CDC42BPB: variants seen among roughly 807,000 people sequenced by gnomAD.
CDC42BPB encodes the protein serine/threonine-protein kinase MRCK beta.
In CDC42BPB, 37 loss-of-function variants were observed where a neutral mutation model predicts 214.9. The ratio of observed to expected loss-of-function variants is 0.17; its 90% CI spans 0.13 to 0.23. The LOEUF is 0.23. CDC42BPB is among the 10% of genes least tolerant of loss of function. The pLI is 1.00. For synonymous variants in CDC42BPB, 931 were observed against 884.0 expected (o/e 1.05, Z -0.94); for missense variants, 1,694 against 2,227.0 (o/e 0.76, Z 4.82).
intron 1 of CDC42BPB, among the ~76,000 whole-genome samples, chr14:103,032,068 A>G (rs138562191): frequency 2.0e-5 from 3 of 151,704 alleles, no homozygotes; most frequent in Non-Finnish European, 4.4e-5. Context: ...CAAGAGCACC[A>G]GCCGGCGGCC....
chr14:103,041,732 T>C (rs534199025), intron 1 of CDC42BPB: 2 of 545,180 alleles, frequency 3.7e-6, no homozygotes, highest in African/African-American at 1.9e-5. Flanking sequence ...CACAAGAAGG[T>C]GGCCCAGACC....
chr14:102,964,546 C>T lies in CDC42BPB; in HGVS notation c.2682G>A (p.Gln894=), dbSNP rs1386648123. ...EAEIRAKQLV[Q]EELRKVKDAN... ...CGTCCTTGACCTTCCTGAGCTCCTC[C>T]TGGACAAGCTGCTTGGCCCGGATCT... Residue 894 remains glutamine (Q), a synonymous_variant, in exon 19 of 37, where the codon CAG becomes CAA. Coordinates refer to ENST00000361246, the MANE Select transcript of CDC42BPB (RefSeq NM_006035.4). 6.2e-7 allele frequency: 1 copy of T among 1,613,808 alleles called. No individual in the cohort carries two copies. The highest frequency in any genetic ancestry group is 8.5e-7 in the Non-Finnish European group (1 of 1,180,020).
intron 1 of CDC42BPB, among the ~76,000 whole-genome samples, chr14:103,035,796 C>A (rs569206614): frequency 6.6e-6 from 1 of 151,498 alleles, no homozygotes; most frequent in Non-Finnish European, 1.5e-5. Context: ...GCGGAGATCA[C>A]GCCACTGCAT....
Position 102,950,517 on chromosome 14 carries a change from C to G in CDC42BPB, c.3258G>C (p.Leu1086=). The change falls in exon 25 of 37, where the codon CTG becomes CTC. Residue 1086 remains leucine, a synonymous_variant. Coordinates refer to ENST00000361246, the MANE Select transcript of CDC42BPB (RefSeq NM_006035.4). ...CGATGCCTCGCTGCACGTCCACGCC[C>G]AGAGGCCTCTTGGACTGCTCGGGAG... ...PIPPEQSKRP[L]GVDVQRGIGT... is the part of the protein sequence containing the mutation. The G allele has an allele frequency of 6.2e-7, 1 of 1,613,268 alleles. No homozygotes were observed. Among genetic ancestry groups the G allele is most frequent in the South Asian group, 1.1e-5 (1 of 91,066 alleles).
chr14:102,945,683 C>T lies in CDC42BPB; in HGVS notation c.3790G>A (p.Val1264Ile). 6.2e-7 allele frequency: 1 copy of T among 1,612,942 alleles called. No individual in the cohort carries two copies. The highest frequency in any genetic ancestry group is 8.5e-7 in the Non-Finnish European group (1 of 1,179,914). Residue 1264 changes from valine (V) to isoleucine (I), a missense_variant, in exon 29 of 37, where the codon GTC becomes ATC. Around this residue, in one of 7 missense-constraint regions of CDC42BPB, gnomAD observed 567 missense variants for 790.3 expected, o/e 0.72. Coordinates refer to ENST00000361246, the MANE Select transcript of CDC42BPB (RefSeq NM_006035.4). The part of the protein sequence containing the change: ...IAVGLEEGLY[V>I]IEVTRDVIVR... ...TCACCATCTCGGGTGACCTCTATGA[C>T]ATAGAGCCCTTCTTCTAGGCCGACT...
At chr14:102,970,507 T>C in intron 13 of CDC42BPB, 1 of 356,034 alleles carries the variant, frequency 2.8e-6, no homozygotes, top group African/African-American at 2.2e-5. Flanking sequence ...CAAGAAAGGA[T>C]ACATTTCTTG....
At chr14:103,039,286 C>A (rs1447214714) in intron 1 of CDC42BPB, among the ~76,000 whole-genome samples, 1 of 122,378 alleles carries the variant, frequency 8.2e-6, no homozygotes, top group African/African-American at 4.0e-5. Context: ...TATCTTGATA[C>A]CAAACCAAAA....
chr14:102,936,332 G>A (rs1349321574), intron 36 of CDC42BPB, among the ~76,000 whole-genome samples: 1 of 152,198 alleles, frequency 6.6e-6, no homozygotes, highest in African/African-American at 2.4e-5. Flanking sequence ...ACAGCTGAAG[G>A]ACAGAAACAG....
rs376675561 is a variant in CDC42BPB, at chr14:102,968,396, A to G, written c.2241-38T>C. 14 of 1,612,398 alleles carry G rather than the reference A, an allele frequency of 8.7e-6. No homozygotes were observed. In the African/African-American group the frequency reaches 1.9e-4, roughly 22 times the overall value. ...GCGAGAAACAGTTTTAAAAGCTCGT[A>G]ACTTCACTGATATTCGTATCTATGG... On this transcript the variant is annotated intron_variant, in intron 15 of 36. Transcript: ENST00000361246.
In CDC42BPB at chr14:103,036,425, G is replaced by A. The variant is rs183543182; in HGVS notation, c.175+20574C>T. On this transcript the variant is annotated intron_variant, in intron 1 of 36. Coordinates refer to ENST00000361246, the MANE Select transcript of CDC42BPB (RefSeq NM_006035.4). ...CTGCCTCGGCCTCCCAAAGTGCTGGGATTATAGGCGTGAGCCACCGCGCCC... is the reference window on the plus strand; with the variant it reads ...CTGCCTCGGCCTCCCAAAGTGCTGGAATTATAGGCGTGAGCCACCGCGCCC... Among the ~76,000 whole-genome samples, 611 of 152,090 alleles carry A rather than the reference G, an allele frequency of 4.0e-3. 2 individuals carry two copies. The highest frequency in any genetic ancestry group is 6.2e-3 in the Non-Finnish European group (424 of 67,988).
rs1359980854 is a variant in CDC42BPB, at chr14:102,971,927, T to C, written c.1876A>G (p.Arg626Gly). 12 of 1,614,084 alleles carry C rather than the reference T, an allele frequency of 7.4e-6. No individual in the cohort carries two copies. The highest frequency in any genetic ancestry group is 1.0e-5 in the Non-Finnish European group (12 of 1,179,964). Residue 626 changes from arginine (R) to glycine (G), a missense_variant, in exon 13 of 37, where the codon AGG becomes GGG. Arg to Gly is a moderately radical substitution (Grantham distance 125). Around this residue, in one of 7 missense-constraint regions of CDC42BPB, gnomAD observed 462 missense variants for 513.5 expected, o/e 0.90. Coordinates refer to ENST00000361246, the MANE Select transcript of CDC42BPB (RefSeq NM_006035.4). ...RQEMRRAEKLRKELEAQLDDA... is the reference protein window; with the variant it reads ...RQEMRRAEKLGKELEAQLDDA... ...ACCATCTCCACAGCTACCTCTTTCC[T>C]GAGCTTCTCAGCTCTCCGCATTTCC...
At position 103,041,614 on chromosome 14, in the gene CDC42BPB, G is replaced by A. The variant is rs115257304; in HGVS notation, c.175+15385C>T. The A allele has an allele frequency of 3.9e-3, 3,041 of 788,842 alleles. 63 individuals are homozygous for A. In the African/African-American group the frequency reaches 0.046, roughly 12 times the overall value. The allele number at this position is 788,842 out of a possible 1,614,324, so 48.9% of individuals were successfully genotyped here. A position where few individuals can be genotyped will look rare whatever the true frequency, so the allele number is the denominator to read the frequency against. The stretch of plus-strand genomic sequence containing the variant: ...AGTGCCCCACATTGCCCTGCACACC[G>A]CGTTGGGACCCATCCGGCCCATCGT... On this transcript the variant is annotated intron_variant, in intron 1 of 36. Transcript: ENST00000361246.
intron 1 of CDC42BPB, among the ~76,000 whole-genome samples, chr14:103,016,650 T>C (rs1325158393): frequency 3.9e-5 from 6 of 152,102 alleles, no homozygotes; most frequent in Admixed American, 6.5e-5. Flanking sequence ...GGTTCCTCAC[T>C]GTCCAAGTGA....
intron 1 of CDC42BPB, among the ~76,000 whole-genome samples, chr14:103,025,806 CAAAA>C (rs1192104898): frequency 1.3e-5 from 1 of 78,910 alleles, no homozygotes. Context: ...GACTCTGTCT[CAAAA>C]AAAAAAAAAA....
intron 5 of CDC42BPB, among the ~76,000 whole-genome samples, chr14:102,998,629 G>A (rs963206498): frequency 2.0e-5 from 3 of 152,226 alleles, no homozygotes; most frequent in Non-Finnish European, 4.4e-5. Flanking sequence ...AGAAGGCAGA[G>A]GGGGCCCCTG....
chr14:102,950,449 G>A lies in CDC42BPB; in HGVS notation c.3309+17C>T. 1.9e-6 allele frequency: 3 copies of A among 1,612,260 alleles called. No individual in the cohort carries two copies. Among genetic ancestry groups the A allele is most frequent in the Non-Finnish European group, 1.7e-6 (2 of 1,179,846 alleles). On this transcript the variant is annotated intron_variant, in intron 25 of 36. Transcript: ENST00000361246. ...TCACAGGCACCGAGGGCTGAGGGCGGAGATGAAGCCGCCTACCTTGACATG... is the reference window on the plus strand; with the variant it reads ...TCACAGGCACCGAGGGCTGAGGGCGAAGATGAAGCCGCCTACCTTGACATG...
intron 29 of CDC42BPB, chr14:102,945,274 G>A: frequency 2.2e-6 from 1 of 460,716 alleles, no homozygotes; most frequent in Non-Finnish European, 4.3e-6. Flanking sequence ...TAGACCCAGG[G>A]CTGTGGAGCG....
chr14:103,001,544 C>T lies in CDC42BPB; in HGVS notation c.448-1831G>A, dbSNP rs562979499. On this transcript the variant is annotated intron_variant, in intron 4 of 36. Transcript: ENST00000361246. The surrounding 1 kb of genome is among the most constrained non-coding windows in gnomAD (Gnocchi z 5.8). ...CTGGAGCCTGCCAAAAGGGGAGGGC[C>T]GGCCACAGTGGGGGCTGCAGCCCCA... 1.3e-5 allele frequency among the ~76,000 whole-genome samples: 2 copies of T among 152,264 alleles called. No individual in the cohort carries two copies. Among genetic ancestry groups the T allele is most frequent in the East Asian group, 3.9e-4 (2 of 5,180 alleles).
At position 103,004,018 on chromosome 14, in the gene CDC42BPB, C is replaced by T. The variant is rs375791786; in HGVS notation, c.357G>A (p.Ala119=). 1.6e-5 allele frequency: 25 copies of T among 1,601,028 alleles called. No homozygotes were observed. The African/African-American group carries it at 2.3e-4, about 15-fold the overall frequency. Residue 119 remains alanine, a synonymous_variant, in exon 4 of 37, where the codon GCG becomes GCA. Transcript: ENST00000361246. The surrounding 1 kb of genome is among the most constrained non-coding windows in gnomAD (Gnocchi z 5.3). ...GCACATCGCGCTCCTCTCGGAAGCACGCGGTCTGCAAAGCAACGAGGGGTG... is the reference window on the plus strand; with the variant it reads ...GCACATCGCGCTCCTCTCGGAAGCATGCGGTCTGCAAAGCAACGAGGGGTG... The part of the protein sequence containing the change: ...KWEMLKRAET[A]CFREERDVLV...
Sources: gnomAD v4.1 joint callset for allele counts (sites outside exome capture counted in the v4.1 genomes callset) on GRCh38, gnomAD v4.1.1 for gene constraint, gnomAD v4.1.1 regional missense constraint, Gnocchi (gnomAD v3.1) non-coding constraint, MANE v1.5 for transcripts, NCBI Gene and HGNC (gene_info 2026-07-23, HGNC 2026-07-21) for gene names.